The following FER variants were observed in gnomAD, a reference collection of about 807,000 sequenced individuals.
FER encodes FER tyrosine kinase, also known as tyrosine-protein kinase Fer.
FER carries 63 observed loss-of-function variants against 111.0 expected under a neutral mutation model. The ratio of observed to expected loss-of-function variants is 0.57; its 90% confidence interval spans 0.46 to 0.70. The LOEUF (loss-of-function observed/expected upper bound fraction) is 0.70, where lower values mean the gene tolerates loss of function less well. FER is among the 30% of genes least tolerant of loss of function. FER has a pLI of 0.00. For missense variants in FER, 914 were observed against 954.0 expected (o/e 0.96, Z 0.55); for synonymous variants, 327 against 313.9 (o/e 1.04, Z -0.44).
chr5:109,106,264 C>T (rs985106457), intron 17 of FER, among the ~76,000 whole-genome samples: 1 of 152,210 alleles, frequency 6.6e-6, no homozygotes, highest in Admixed American at 6.5e-5. Context: ...TTTAGAAAGA[C>T]AAACCAAGAT....
At chr5:108,907,186 T>C (rs1482792733) in intron 10 of FER, among the ~76,000 whole-genome samples, 1 of 152,174 alleles carries the variant, frequency 6.6e-6, no homozygotes, top group Non-Finnish European at 1.5e-5. Context: ...TTTGTTCCTT[T>C]TATTTCCCCT....
At chr5:108,987,303 G>A (rs1048745177) in intron 13 of FER, among the ~76,000 whole-genome samples, 29 of 151,940 alleles carry the variant, frequency 1.9e-4, no homozygotes, top group African/African-American at 5.6e-4. Flanking sequence ...AAAATTAGCC[G>A]GGCATGGTGG....
chr5:108,908,590 G>A (rs1394606621), intron 10 of FER, among the ~76,000 whole-genome samples: 1 of 152,092 alleles, frequency 6.6e-6, no homozygotes, highest in Admixed American at 6.6e-5. Flanking sequence ...CTATTAAACT[G>A]TGTAGTATTT....
At chr5:108,962,303 C>T (rs916889363) in intron 13 of FER, among the ~76,000 whole-genome samples, 5 of 152,196 alleles carry the variant, frequency 3.3e-5, no homozygotes, top group East Asian at 1.9e-4. Context: ...ATCATTCTTA[C>T]ATTAGCAAAC....
At chr5:109,107,208 T>A (rs1227594481) in intron 17 of FER, among the ~76,000 whole-genome samples, 2 of 152,232 alleles carry the variant, frequency 1.3e-5, no homozygotes, top group East Asian at 1.9e-4. Flanking sequence ...AAGTACATTT[T>A]GGATTCAGAA....
rs77502277 is a variant in FER at position 108,987,808 on chromosome 5, T to C, written c.1656+28461T>C. Among the ~76,000 whole-genome samples, 1,033 of 152,250 alleles carry C rather than the reference T, an allele frequency of 6.8e-3. 11 individuals are homozygous for C. The highest frequency in any genetic ancestry group is 0.023 in the African/African-American group (970 of 41,522). ...TTTTTTTTCTCTTGTCTGATTGCTCTGGCTAGGACTTCCAGTACTATGTTG... is the reference window on the plus strand; with the variant it reads ...TTTTTTTTCTCTTGTCTGATTGCTCCGGCTAGGACTTCCAGTACTATGTTG... On this transcript the variant is annotated intron_variant, in intron 13 of 19. Transcript: ENST00000281092.
At chr5:108,961,508 G>A (rs1037304201) in intron 13 of FER, among the ~76,000 whole-genome samples, 5 of 152,092 alleles carry the variant, frequency 3.3e-5, no homozygotes, top group African/African-American at 9.7e-5. Context: ...CCATCTGATA[G>A]AACTAGCTAT....
At chr5:108,931,047 T>A (rs1448265006) in intron 10 of FER, among the ~76,000 whole-genome samples, 1 of 152,220 alleles carries the variant, frequency 6.6e-6, no homozygotes, top group Non-Finnish European at 1.5e-5. Flanking sequence ...TTTATTATTA[T>A]CTTTGGAAAA....
At chr5:108,923,145 T>C (rs1044556528) in intron 10 of FER, among the ~76,000 whole-genome samples, 16 of 152,078 alleles carry the variant, frequency 1.1e-4, no homozygotes, top group African/African-American at 3.9e-4. Context: ...AAATGCTTTC[T>C]CCTAAGAAAT....
intron 13 of FER, among the ~76,000 whole-genome samples, chr5:109,020,810 A>T (rs1767821708): frequency 6.6e-6 from 1 of 152,060 alleles, no homozygotes; most frequent in African/African-American, 2.4e-5. Context: ...CCTTGTACTG[A>T]TGAACCTCTT....
intron 13 of FER, among the ~76,000 whole-genome samples, chr5:109,016,166 G>A (rs1581663996): frequency 1.3e-5 from 2 of 152,074 alleles, no homozygotes; most frequent in African/African-American, 4.8e-5. Flanking sequence ...TAATGTTATA[G>A]CCCTGTCAGT....
chr5:109,073,305 T>C (rs74415559), intron 16 of FER, among the ~76,000 whole-genome samples: 116 of 152,310 alleles, frequency 7.6e-4, no homozygotes, highest in African/African-American at 2.7e-3. Context: ...GGAGCTACAC[T>C]GTCCAATCTC....
intron 16 of FER, among the ~76,000 whole-genome samples, chr5:109,084,540 G>A (rs1482024550): frequency 6.6e-6 from 1 of 151,732 alleles, no homozygotes; most frequent in Non-Finnish European, 1.5e-5. Flanking sequence ...CAATTGTATG[G>A]TTTACTTATA....
intron 13 of FER, among the ~76,000 whole-genome samples, chr5:108,962,338 TCTTTA>T (rs1444191466): frequency 6.6e-6 from 1 of 152,176 alleles, no homozygotes; most frequent in Non-Finnish European, 1.5e-5. Context: ...TATGACCTGT[TCTTTA>T]CTTAATTCAG....
intron 17 of FER, among the ~76,000 whole-genome samples, chr5:109,172,056 C>T (rs907008222): frequency 1.5e-4 from 23 of 152,100 alleles, no homozygotes; most frequent in African/African-American, 4.3e-4. Flanking sequence ...CTAGTTCAAC[C>T]ATTGTGGAAG....
At chr5:108,879,691 A>G (rs1356137720) in intron 8 of FER, among the ~76,000 whole-genome samples, 1 of 73,276 alleles carries the variant, frequency 1.4e-5, no homozygotes, top group East Asian at 2.3e-4. Context: ...TTTTTTTTAG[A>G]TTAAAAAAAA....
chr5:109,013,341 G>A (rs1581649974), intron 13 of FER, among the ~76,000 whole-genome samples: 1 of 148,588 alleles, frequency 6.7e-6, no homozygotes, highest in Admixed American at 6.8e-5. Flanking sequence ...TTGGTTTTTT[G>A]TCCTTGCGAT....
At chr5:108,946,495 A>G (rs1158691352) in intron 11 of FER, among the ~76,000 whole-genome samples, 1 of 152,030 alleles carries the variant, frequency 6.6e-6, no homozygotes, top group Non-Finnish European at 1.5e-5. Flanking sequence ...CAATATACAA[A>G]TAATTATGAG....
intron 6 of FER, among the ~76,000 whole-genome samples, chr5:108,870,366 T>C (rs1192315276): frequency 1.3e-5 from 2 of 152,114 alleles, no homozygotes. Flanking sequence ...GTTATTTAGA[T>C]AGGCTCATTT....
Sources: allele counts gnomAD v4.1 joint callset (sites outside exome capture counted in the v4.1 genomes callset), GRCh38; gene constraint gnomAD v4.1.1; transcripts MANE v1.5; gene names NCBI Gene and HGNC (gene_info 2026-07-23, HGNC 2026-07-21).